The following QTMAN variants were observed in gnomAD, a reference collection of about 807,000 sequenced individuals.
QTMAN encodes tRNA-queuosine alpha-mannosyltransferase.
chr2:144,184,682 C>A, the QTMAN span, among the ~76,000 whole-genome samples: 1 of 151,960 alleles, frequency 6.6e-6, no homozygotes, highest in Non-Finnish European at 1.5e-5. Context: ...CCAAAAAAAT[C>A]ATTCAATTTT....
At chr2:144,191,824 A>C in the QTMAN span, among the ~76,000 whole-genome samples, 3 of 152,234 alleles carry the variant, frequency 2.0e-5, no homozygotes, top group East Asian at 1.9e-4. Context: ...TTTGAATTTC[A>C]ATTGCTCAAG....
At chr2:144,256,057 TA>T in the QTMAN span, among the ~76,000 whole-genome samples, 1 of 152,214 alleles carries the variant, frequency 6.6e-6, no homozygotes, top group African/African-American at 2.4e-5. Flanking sequence ...ATTTCTAAAA[TA>T]AAGTCCAGGT....
chr2:144,239,976 A>G, the QTMAN span, among the ~76,000 whole-genome samples: 1 of 152,252 alleles, frequency 6.6e-6, no homozygotes, highest in African/African-American at 2.4e-5. Flanking sequence ...AAGGCCTAGT[A>G]GTATATAGCA....
At chr2:144,179,424 G>A in the QTMAN span, among the ~76,000 whole-genome samples, 1 of 152,118 alleles carries the variant, frequency 6.6e-6, no homozygotes, top group Non-Finnish European at 1.5e-5. Context: ...AACATTGAAT[G>A]CCAACCCTCC....
At chr2:144,077,752 G>A in the QTMAN span, among the ~76,000 whole-genome samples, 74 of 152,238 alleles carry the variant, frequency 4.9e-4, no homozygotes, top group Non-Finnish European at 4.7e-4. Flanking sequence ...CCTGGCTGTT[G>A]TATTTTAAAC....
chr2:144,277,550 C>T, the QTMAN span, among the ~76,000 whole-genome samples: 1 of 152,054 alleles, frequency 6.6e-6, no homozygotes, highest in African/African-American at 2.4e-5. Context: ...AAAAGAGTTA[C>T]AAGACATTCT....
At chr2:144,209,976 GC>G in the QTMAN span, among the ~76,000 whole-genome samples, 1 of 145,686 alleles carries the variant, frequency 6.9e-6, no homozygotes, top group Non-Finnish European at 1.5e-5. Flanking sequence ...GCATTTCAAA[GC>G]AAAAAGGCTT....
At chr2:144,086,598 C>T in the QTMAN span, among the ~76,000 whole-genome samples, 1 of 152,100 alleles carries the variant, frequency 6.6e-6, no homozygotes, top group Non-Finnish European at 1.5e-5. Flanking sequence ...TTTCAAAGGC[C>T]CAATTTTACC....
chr2:144,167,052 T>C, the QTMAN span, among the ~76,000 whole-genome samples: 1 of 152,192 alleles, frequency 6.6e-6, no homozygotes, highest in Non-Finnish European at 1.5e-5. Flanking sequence ...CTTTGTACAT[T>C]ATCTCTGCTT....
the QTMAN span, chr2:143,946,191 T>C: frequency 3.3e-5 from 5 of 152,224 alleles, no homozygotes; most frequent in African/African-American, 9.7e-5. Context: ...TCAAAATCAC[T>C]GGTTTTGTTA....
the QTMAN span, among the ~76,000 whole-genome samples, chr2:144,175,708 T>C: frequency 6.6e-6 from 1 of 152,066 alleles, no homozygotes; most frequent in Non-Finnish European, 1.5e-5. Context: ...CTGTCATCCA[T>C]GCTGGAGTGC....
chr2:143,955,956 G>A, the QTMAN span, among the ~76,000 whole-genome samples: 4 of 152,186 alleles, frequency 2.6e-5, no homozygotes, highest in East Asian at 1.9e-4. Flanking sequence ...GCGTGAAGCC[G>A]AGTGGTAGTG....
the QTMAN span, among the ~76,000 whole-genome samples, chr2:144,250,460 T>C: frequency 6.6e-6 from 1 of 152,122 alleles, no homozygotes; most frequent in Non-Finnish European, 1.5e-5. Context: ...CCATTTAAAA[T>C]GGGTAGTTTA....
chr2:143,951,444 G>A, the QTMAN span, among the ~76,000 whole-genome samples: 1 of 151,488 alleles, frequency 6.6e-6, no homozygotes, highest in Non-Finnish European at 1.5e-5. Flanking sequence ...AGATGAGACT[G>A]ACATTCTTAT....
the QTMAN span, among the ~76,000 whole-genome samples, chr2:143,956,344 A>G: frequency 6.6e-6 from 1 of 152,160 alleles, no homozygotes; most frequent in South Asian, 2.1e-4. Flanking sequence ...TGACTCAATG[A>G]TGCATGCTTT....
the QTMAN span, among the ~76,000 whole-genome samples, chr2:144,233,562 C>G: frequency 6.6e-6 from 1 of 152,160 alleles, no homozygotes; most frequent in Non-Finnish European, 1.5e-5. Context: ...CAGAACCAAG[C>G]TACACAAAAC....
At chr2:144,268,632 G>C in the QTMAN span, among the ~76,000 whole-genome samples, 1 of 152,190 alleles carries the variant, frequency 6.6e-6, no homozygotes, top group Non-Finnish European at 1.5e-5. Context: ...AAACCACCCA[G>C]TTGAGGATGT....
chr2:144,126,853 T>C, the QTMAN span, among the ~76,000 whole-genome samples: 3 of 152,152 alleles, frequency 2.0e-5, no homozygotes, highest in East Asian at 1.9e-4. Context: ...GACTATATTT[T>C]TGAAGGGTCA....
the QTMAN span, among the ~76,000 whole-genome samples, chr2:144,195,113 T>C: frequency 6.6e-6 from 1 of 152,004 alleles, no homozygotes; most frequent in Admixed American, 6.6e-5. Flanking sequence ...AACATAAATA[T>C]CCTGAATTCT....
Sources: allele counts gnomAD v4.1 joint callset (sites outside exome capture counted in the v4.1 genomes callset), GRCh38; gene constraint gnomAD v4.1.1; transcripts MANE v1.5; gene names NCBI Gene and HGNC (gene_info 2026-07-23, HGNC 2026-07-21).